The following PARD3 variants were observed in gnomAD, a reference collection of about 807,000 sequenced individuals.
The protein encoded by PARD3 is par-3 family cell polarity regulator, also known as partitioning defective 3 homolog.
Under a neutral mutation model 155.4 loss-of-function variants are expected in PARD3, and 75 were observed. The observed-to-expected ratio is 0.48, with a 90% CI of 0.40 to 0.58. The LOEUF (loss-of-function observed/expected upper bound fraction) is 0.58. Ranked by LOEUF, PARD3 falls within the 20% of genes least tolerant of loss-of-function variation. The pLI, the probability that PARD3 is intolerant of heterozygous loss-of-function variation, is 0.00. For missense variants in PARD3, 1,642 were observed against 1,721.7 expected, an observed-to-expected ratio of 0.95 and a Z score of 0.82; for synonymous variants, 576 against 610.5, an observed-to-expected ratio of 0.94 and a Z score of 0.83.
At chr10:34,266,905 T>C (rs1438242434) in intron 22 of PARD3, among the ~76,000 whole-genome samples, 1 of 152,118 alleles carries the variant, frequency 6.6e-6, no homozygotes, top group Non-Finnish European at 1.5e-5. Flanking sequence ...TGTAGGGCAC[T>C]ATGATTTAAA....
At chr10:34,136,529 A>C (rs1199436230) in intron 22 of PARD3, among the ~76,000 whole-genome samples, 1 of 152,160 alleles carries the variant, frequency 6.6e-6, no homozygotes, top group African/African-American at 2.4e-5. Context: ...CTCGGTATAC[A>C]CTATGCTTCC....
intron 1 of PARD3, among the ~76,000 whole-genome samples, chr10:34,768,688 C>CA (rs1838442890): frequency 6.6e-6 from 1 of 152,194 alleles, no homozygotes; most frequent in South Asian, 2.1e-4. Context: ...CTGAGGGTGT[C>CA]ACAGCAGAGT....
rs1276255691 is a variant in PARD3, at chr10:34,399,329, C to G, written c.890+1G>C. ...AATTAAAAACCTCCAAGATACGTTA[C>G]CTGCCGCCTCGAGCACTGAAAGGCA... On this transcript the variant is annotated splice_donor_variant, in intron 7 of 24. Transcript: ENST00000374788. LOFTEE classifies it high-confidence loss of function. 1 of 1,587,268 alleles carries G rather than the reference C, an allele frequency of 6.3e-7. No individual in the cohort carries two copies. Among genetic ancestry groups the G allele is most frequent in the Admixed American group, 1.7e-5 (1 of 59,948 alleles).
intron 2 of PARD3, among the ~76,000 whole-genome samples, chr10:34,542,255 T>C (rs1446563857): frequency 8.9e-6 from 1 of 112,802 alleles, no homozygotes; most frequent in African/African-American, 3.1e-5. Context: ...ACACACACGC[T>C]TGCATTTACC....
At chr10:34,504,893 A>C (rs565548026) in intron 3 of PARD3, among the ~76,000 whole-genome samples, 8 of 152,244 alleles carry the variant, frequency 5.3e-5, no homozygotes, top group South Asian at 2.1e-4. Flanking sequence ...GGAGAGATCT[A>C]TATCAAGTGC....
chr10:34,521,539 A>AT (rs1305615473), intron 2 of PARD3, among the ~76,000 whole-genome samples: 1 of 152,154 alleles, frequency 6.6e-6, no homozygotes, highest in Admixed American at 6.5e-5. Flanking sequence ...ATCATTTTGA[A>AT]TGTTCATTTT....
intron 2 of PARD3, among the ~76,000 whole-genome samples, chr10:34,617,448 G>T (rs570835494): frequency 6.6e-6 from 1 of 152,074 alleles, no homozygotes; most frequent in Admixed American, 6.5e-5. Flanking sequence ...CTAATGTATT[G>T]TGTATTTTCA....
chr10:34,117,917 T>C (rs983276665), intron 24 of PARD3, among the ~76,000 whole-genome samples: 2 of 151,988 alleles, frequency 1.3e-5, no homozygotes, highest in African/African-American at 4.8e-5. Flanking sequence ...TCTCAAAAAA[T>C]TTGGGAACAG....
At chr10:34,335,311 AT>A (rs1368180043) in intron 18 of PARD3, among the ~76,000 whole-genome samples, 1 of 151,982 alleles carries the variant, frequency 6.6e-6, no homozygotes, top group Admixed American at 6.6e-5. Context: ...TGGGATACAC[AT>A]TTTTTAAGCA....
At chr10:34,814,846 C>A (rs1411889483) in intron 1 of PARD3, 30 bp downstream of exon 1, 2 of 1,339,686 alleles carry the variant, frequency 1.5e-6, no homozygotes, top group South Asian at 2.6e-5. Context: ...CGCCGCCGCC[C>A]CCTCCCCGCC....
chr10:34,798,425 C>T lies in PARD3; in HGVS notation c.120+16451G>A, dbSNP rs147516560. On this transcript the variant is annotated intron_variant, in intron 1 of 24. Transcript: ENST00000374788. ...AGAGGAAGAAGAAAAAAAAAACATGCCGGGCGCAGTGGCTCACAACTGTAA... is the reference window on the plus strand; with the variant it reads ...AGAGGAAGAAGAAAAAAAAAACATGTCGGGCGCAGTGGCTCACAACTGTAA... Among the ~76,000 whole-genome samples, 916 of 151,802 alleles carry T rather than the reference C, an allele frequency of 6.0e-3. 7 individuals carry two copies. The highest frequency in any genetic ancestry group is 0.02 in the African/African-American group (835 of 41,404).
intron 2 of PARD3, among the ~76,000 whole-genome samples, chr10:34,567,746 G>T (rs1340566101): frequency 6.6e-6 from 1 of 152,106 alleles, no homozygotes; most frequent in Admixed American, 6.6e-5. Flanking sequence ...ATAAAAATAG[G>T]AAGATCTGAA....
At chr10:34,301,963 C>T (rs151132461) in intron 20 of PARD3, among the ~76,000 whole-genome samples, 1 of 152,194 alleles carries the variant, frequency 6.6e-6, no homozygotes, top group Non-Finnish European at 1.5e-5. Flanking sequence ...CAGTTCCTGA[C>T]ATCACTCTGG....
chr10:34,697,927 C>A (rs2094205751), intron 1 of PARD3, among the ~76,000 whole-genome samples: 1 of 151,878 alleles, frequency 6.6e-6, no homozygotes, highest in African/African-American at 2.4e-5. Flanking sequence ...GTGTTGAGTC[C>A]CCAAAGAATG....
chr10:34,691,684 A>G (rs2094064608), intron 2 of PARD3, among the ~76,000 whole-genome samples: 1 of 152,206 alleles, frequency 6.6e-6, no homozygotes, highest in African/African-American at 2.4e-5. Flanking sequence ...TTACCCAACT[A>G]TAAACTACAG....
rs140589957 is a variant in PARD3, at chr10:34,269,815, A to G, written c.3261T>C (p.Phe1087=). 51 of 1,613,968 alleles carry G rather than the reference A, an allele frequency of 3.2e-5. No homozygotes were observed. The African/African-American group carries it at 6.3e-4, about 20-fold the overall frequency. ...YAEIQDFHRT[F]GCDDELMYGG... ...CATACATTAACTCATCATCACAGCC[A>G]AATGTCCGATGAAAATCTTGAATTT... Residue 1087 remains phenylalanine, a synonymous_variant, in exon 22 of 25, where the codon TTT becomes TTC. Transcript: ENST00000374788.
At chr10:34,352,039 A>T (rs1399289387) in intron 14 of PARD3, among the ~76,000 whole-genome samples, 1 of 152,236 alleles carries the variant, frequency 6.6e-6, no homozygotes, top group East Asian at 1.9e-4. Context: ...CCCCAATATG[A>T]GGTCTAAGAC....
intron 22 of PARD3, among the ~76,000 whole-genome samples, chr10:34,262,314 T>C (rs61840231): frequency 0.068 from 10,387 of 152,208 alleles, 490 homozygotes; most frequent in Non-Finnish European, 0.097. Context: ...TCACTGATTC[T>C]GGAGTGCAGT....
At chr10:34,550,247 G>T (rs1700787197) in intron 2 of PARD3, among the ~76,000 whole-genome samples, 1 of 152,152 alleles carries the variant, frequency 6.6e-6, no homozygotes, top group Admixed American at 6.5e-5. Flanking sequence ...TTTGAGACAG[G>T]ATCTCACTCT....
Sources: allele counts gnomAD v4.1 joint callset (sites outside exome capture counted in the v4.1 genomes callset), GRCh38; gene constraint gnomAD v4.1.1; transcripts MANE v1.5; gene names NCBI Gene and HGNC (gene_info 2026-07-23, HGNC 2026-07-21).